TLK1: variants seen among roughly 807,000 people sequenced by gnomAD.
TLK1 encodes the protein serine/threonine-protein kinase tousled-like 1.
TLK1 carries 24 observed loss-of-function variants against 105.3 expected under a neutral mutation model. The ratio of observed to expected loss-of-function variants is 0.23; its 90% CI spans 0.17 to 0.32. The LOEUF is 0.32. Ranked by LOEUF, TLK1 falls within the 10% of genes least tolerant of loss-of-function variation. The pLI is 1.00. For missense variants in TLK1, 558 were observed against 910.5 expected, an observed-to-expected ratio of 0.61 and a Z score of 4.98; for synonymous variants, 321 against 310.4, an observed-to-expected ratio of 1.03 and a Z score of -0.36.
intron 11 of TLK1, among the ~76,000 whole-genome samples, chr2:171,036,515 A>T (rs1404838738): frequency 6.6e-6 from 1 of 152,258 alleles, no homozygotes; most frequent in Non-Finnish European, 1.5e-5. Flanking sequence ...ACAGAAGATC[A>T]TCATAAAAGA....
At position 171,125,477 on chromosome 2, in the gene TLK1, A is replaced by G. The variant is rs144192730; in HGVS notation, c.140-7620T>C. On this transcript the variant is annotated intron_variant, in intron 1 of 20. Transcript: ENST00000431350. ...TGATGGATACACAGTGGTAATAAAT[A>G]AACAAATAAAATAAAAAATTGCAAT... Among the ~76,000 whole-genome samples the G allele has an allele frequency of 5.1e-3, 773 of 152,282 alleles. 6 individuals carry two copies. Among genetic ancestry groups the G allele is most frequent in the African/African-American group, 0.017 (719 of 41,550 alleles).
intron 1 of TLK1, among the ~76,000 whole-genome samples, chr2:171,142,669 TG>T (rs1691629347): frequency 6.6e-6 from 1 of 152,226 alleles, no homozygotes; most frequent in South Asian, 2.1e-4. Flanking sequence ...TATAATCATT[TG>T]GGGATATTTT....
At chr2:171,196,227 C>T (rs1359773171) in intron 1 of TLK1, among the ~76,000 whole-genome samples, 1 of 151,656 alleles carries the variant, frequency 6.6e-6, no homozygotes, top group Non-Finnish European at 1.5e-5. Context: ...AGTGATTCTA[C>T]TGCCTCAGCC....
intron 2 of TLK1, among the ~76,000 whole-genome samples, chr2:171,110,152 A>C (rs187878040): frequency 1.3e-5 from 2 of 152,356 alleles, no homozygotes; most frequent in East Asian, 3.9e-4. Flanking sequence ...ACTGGAAACA[A>C]CACAAATGTT....
chr2:171,204,108 T>C (rs1693455723), intron 1 of TLK1, among the ~76,000 whole-genome samples: 1 of 152,186 alleles, frequency 6.6e-6, no homozygotes, highest in Admixed American at 6.5e-5. Flanking sequence ...GTTAAACATT[T>C]AAGTAAGCAT....
In TLK1 at chr2:171,085,576, T is replaced by A. The variant is rs556175092; in HGVS notation, c.259-2724A>T. Among the ~76,000 whole-genome samples the A allele has an allele frequency of 1.3e-5, 2 of 151,534 alleles. 1 individual carries two copies. The highest frequency in any genetic ancestry group is 2.9e-5 in the Non-Finnish European group (2 of 67,864). On this transcript the variant is annotated intron_variant, in intron 2 of 20. Coordinates refer to ENST00000431350, the MANE Select transcript of TLK1 (RefSeq NM_012290.5). ...CACTTTATGCCAGACAAAAATGGAG[T>A]GACATAAGCTATTCAAGGAAAGAAA...
At chr2:171,128,624 G>A (rs113201102) in intron 1 of TLK1, among the ~76,000 whole-genome samples, 1,957 of 152,066 alleles carry the variant, frequency 0.013, 34 homozygotes, top group African/African-American at 0.041. Flanking sequence ...ATATACTTCC[G>A]TGCCTAATTT....
At chr2:171,092,814 T>C (rs1689293602) in intron 2 of TLK1, among the ~76,000 whole-genome samples, 1 of 152,082 alleles carries the variant, frequency 6.6e-6, no homozygotes, top group Non-Finnish European at 1.5e-5. Flanking sequence ...TACTTTAAAG[T>C]ATATGCTAAG....
Position 171,160,571 on chromosome 2 carries a change from G to A in TLK1, c.-143C>T, listed in dbSNP as rs557637464. The A allele has an allele frequency of 1.9e-5, 27 of 1,405,744 alleles. No individual in the cohort carries two copies. Among genetic ancestry groups the A allele is most frequent in the East Asian group, 2.6e-5 (1 of 37,834 alleles). The allele number at this position is 1,405,744 out of a possible 1,614,324, so 87.1% of individuals were successfully genotyped here. On this transcript the variant is annotated 5_prime_UTR_variant, in exon 1 of 21. Transcript: ENST00000431350. This position sits in a 1 kb window ranked among gnomAD's most constrained non-coding sequence, Gnocchi z 4.4. The stretch of plus-strand genomic sequence containing the variant: ...GGGAGGGGAGAGTCAAGGGGATGGG[G>A]GAGGAAACCGAGAAGAGGGGAGGTG...
chr2:171,072,285 A>G (rs1019346909), intron 3 of TLK1, among the ~76,000 whole-genome samples: 24 of 152,170 alleles, frequency 1.6e-4, no homozygotes, highest in African/African-American at 5.6e-4. Flanking sequence ...TCAATGTTTT[A>G]TAGTTTTTAT....
chr2:171,078,058 GCCTGA>G (rs1370079391), intron 3 of TLK1, among the ~76,000 whole-genome samples: 1 of 152,122 alleles, frequency 6.6e-6, no homozygotes, highest in Non-Finnish European at 1.5e-5. Context: ...TTCTTATGTA[GCCTGA>G]CCTCTTTCCT....
chr2:171,180,330 G>C (rs1692907319), intron 1 of TLK1, among the ~76,000 whole-genome samples: 1 of 151,948 alleles, frequency 6.6e-6, no homozygotes, highest in Non-Finnish European at 1.5e-5. Context: ...ATTATCAGTT[G>C]TTTTACCCAT....
At chr2:171,193,405 T>G (rs551012422) in intron 1 of TLK1, among the ~76,000 whole-genome samples, 23 of 151,780 alleles carry the variant, frequency 1.5e-4, no homozygotes, top group African/African-American at 5.6e-4. Context: ...TTTTCGTTTT[T>G]TTTTTTTTTG....
At chr2:171,016,713 G>A (rs866792722) in intron 12 of TLK1, among the ~76,000 whole-genome samples, 25 of 151,876 alleles carry the variant, frequency 1.6e-4, no homozygotes, top group East Asian at 9.6e-4. Flanking sequence ...TTATCACACC[G>A]GTACCTAAGA....
At chr2:171,151,392 T>C (rs1453197214) in intron 1 of TLK1, among the ~76,000 whole-genome samples, 3 of 151,914 alleles carry the variant, frequency 2.0e-5, no homozygotes, top group Non-Finnish European at 4.4e-5. Context: ...CAGGACTTCA[T>C]GTGATTGTTA....
chr2:171,222,057 AC>A (rs752431045), intron 1 of TLK1, among the ~76,000 whole-genome samples: 151 of 152,302 alleles, frequency 9.9e-4, no homozygotes, highest in Non-Finnish European at 2.0e-3. Flanking sequence ...TTAGCTGTTG[AC>A]AAAAAATACA....
chr2:171,028,475 T>C lies in TLK1; in HGVS notation c.1170-70A>G, dbSNP rs1191740115. 3.7e-6 allele frequency: 4 copies of C among 1,083,206 alleles called. No individual in the cohort carries two copies. The African/African-American group carries it at 6.4e-5, about 17-fold the overall frequency. The allele number at this position is 1,083,206 out of a possible 1,614,324, so 67.1% of individuals were successfully genotyped here. A position where few individuals can be genotyped will look rare whatever the true frequency, so the allele number is the denominator to read the frequency against. ...TAGTTTATTAACAACTAGCAAAATA[T>C]AAAAATCAAGTGGAAATACTAAAAT... On this transcript the variant is annotated intron_variant, in intron 11 of 20. Transcript: ENST00000431350.
chr2:171,187,363 T>G (rs1693052106), intron 1 of TLK1, among the ~76,000 whole-genome samples: 1 of 152,182 alleles, frequency 6.6e-6, no homozygotes, highest in Non-Finnish European at 1.5e-5. Context: ...TCTTAACTGT[T>G]TGGCCTGATA....
intron 3 of TLK1, among the ~76,000 whole-genome samples, chr2:171,074,196 C>A (rs901882236): frequency 6.6e-6 from 1 of 152,122 alleles, no homozygotes; most frequent in African/African-American, 2.4e-5. Flanking sequence ...CGGCCACATT[C>A]CCCATTTTTT....
Sources: gnomAD v4.1 joint callset for allele counts (sites outside exome capture counted in the v4.1 genomes callset) on GRCh38, gnomAD v4.1.1 for gene constraint, Gnocchi (gnomAD v3.1) non-coding constraint, MANE v1.5 for transcripts, NCBI Gene and HGNC (gene_info 2026-07-23, HGNC 2026-07-21) for gene names.